Variants in LRP1B observed in about 807,000 individuals in gnomAD.
LRP1B encodes the protein low-density lipoprotein receptor-related protein 1B.
In LRP1B, 217 loss-of-function variants were observed where a neutral mutation model predicts 556.6. The observed-to-expected ratio is 0.39, with a 90% CI of 0.35 to 0.44. The LOEUF (loss-of-function observed/expected upper bound fraction) is 0.44, where lower values mean the gene tolerates loss of function less well. Ranked by LOEUF, LRP1B falls within the 20% of genes least tolerant of loss-of-function variation. The probability of loss-of-function intolerance (pLI) is 1.00; values close to 1 mark genes in which losing one functional copy is unlikely to be tolerated. For synonymous variants in LRP1B, 2,047 were observed against 1,865.8 expected (o/e 1.10, Z -2.50); for missense variants, 5,053 against 5,620.8 (o/e 0.90, Z 3.23).
At chr2:140,990,890 G>T (rs1320382926) in intron 16 of LRP1B, among the ~76,000 whole-genome samples, 2 of 152,044 alleles carry the variant, frequency 1.3e-5, no homozygotes, top group Admixed American at 6.6e-5. Context: ...GTTTTACTGA[G>T]AATTTGAAAA....
intron 20 of LRP1B, among the ~76,000 whole-genome samples, chr2:140,941,170 C>A (rs759184520): frequency 2.0e-5 from 3 of 152,024 alleles, no homozygotes; most frequent in Non-Finnish European, 4.4e-5. Context: ...AGAAACTATT[C>A]ATTTATACTT....
chr2:141,072,331 C>T (rs149147631), intron 7 of LRP1B, among the ~76,000 whole-genome samples: 1 of 152,024 alleles, frequency 6.6e-6, no homozygotes, highest in Non-Finnish European at 1.5e-5. Flanking sequence ...TATTTCGGTA[C>T]CCAGGTTTCT....
At chr2:140,798,882 A>G (rs575599299) in intron 32 of LRP1B, among the ~76,000 whole-genome samples, 2 of 152,168 alleles carry the variant, frequency 1.3e-5, no homozygotes, top group Non-Finnish European at 2.9e-5. Context: ...GACCGTGATC[A>G]ATCCAGTTTT....
chr2:140,368,634 A>T (rs1025444052), intron 71 of LRP1B, among the ~76,000 whole-genome samples: 1 of 151,916 alleles, frequency 6.6e-6, no homozygotes, highest in Admixed American at 6.6e-5. Flanking sequence ...AGTAAAACTG[A>T]TTAATTGGGA....
intron 3 of LRP1B, among the ~76,000 whole-genome samples, chr2:141,330,151 C>A (rs1385035143): frequency 6.6e-6 from 1 of 152,104 alleles, no homozygotes; most frequent in Admixed American, 6.6e-5. Context: ...ATGTTTGTTC[C>A]AGAATTGCAC....
intron 1 of LRP1B, among the ~76,000 whole-genome samples, chr2:141,859,424 G>T (rs1574436131): frequency 6.6e-6 from 1 of 152,142 alleles, no homozygotes. Context: ...CATTTAAACA[G>T]ATTTCAGGAA....
At chr2:141,858,244 T>C (rs1698127796) in intron 1 of LRP1B, among the ~76,000 whole-genome samples, 1 of 152,170 alleles carries the variant, frequency 6.6e-6, no homozygotes, top group Admixed American at 6.5e-5. Flanking sequence ...TCATGTAGAG[T>C]TGACCATTTT....
chr2:141,305,086 C>T (rs984668757), intron 3 of LRP1B, among the ~76,000 whole-genome samples: 1 of 152,030 alleles, frequency 6.6e-6, no homozygotes, highest in Non-Finnish European at 1.5e-5. Context: ...TTGTTCTATA[C>T]AAATTTTATA....
In LRP1B at chr2:140,457,617, T is replaced by C; in HGVS notation, c.9660A>G (p.Leu3220=). The change falls in exon 61 of 91, where the codon CTA becomes CTG. Residue 3220 remains leucine, a synonymous_variant. Transcript: ENST00000389484. ...AGTAGATGTAGTCTTCAAACAATGT[T>C]AGTGCAATCACCCCTGGAATATCTT... The part of the protein sequence containing the change: ...PNQDIPGVIA[L]TLFEDYIYWT... 1 of 1,613,716 alleles carries C rather than the reference T, an allele frequency of 6.2e-7. No homozygotes were observed. Among genetic ancestry groups the C allele is most frequent in the Non-Finnish European group, 8.5e-7 (1 of 1,179,672 alleles).
At chr2:140,748,799 C>CATATACATGTATATAATATATATCATAT (rs1491264397) in intron 35 of LRP1B, among the ~76,000 whole-genome samples, 1 of 18,444 alleles carries the variant, frequency 5.4e-5, no homozygotes, top group African/African-American at 1.6e-4. Flanking sequence ...ATATTATATA[C>CATATACATGTATATAATATATATCATAT]ATATTATATA....
At chr2:141,472,806 C>T (rs1454951446) in intron 3 of LRP1B, among the ~76,000 whole-genome samples, 1 of 144,434 alleles carries the variant, frequency 6.9e-6, no homozygotes, top group African/African-American at 2.5e-5. Context: ...GCAGTTTACA[C>T]CATTTGTAAA....
rs1199902050 is a variant in LRP1B, at chr2:140,427,112, A to C, written c.10414+15392T>G. On this transcript the variant is annotated intron_variant, in intron 66 of 90. Transcript: ENST00000389484. ...GGAGACACATTTTATCCGTGGACCC[A>C]AAACTCCGGCGCCGGTCACGGACTC... 1.2e-3 allele frequency among the ~76,000 whole-genome samples: 188 copies of C among 152,284 alleles called. 2 individuals carry two copies. The highest frequency in any genetic ancestry group is 2.1e-4 in the Non-Finnish European group (14 of 68,030).
At chr2:141,848,078 A>G (rs1162393589) in intron 1 of LRP1B, among the ~76,000 whole-genome samples, 2 of 151,606 alleles carry the variant, frequency 1.3e-5, no homozygotes, top group Non-Finnish European at 3.0e-5. Flanking sequence ...GAGATGATCT[A>G]CTTCACTAGT....
At chr2:141,322,245 G>A (rs1276031603) in intron 3 of LRP1B, among the ~76,000 whole-genome samples, 1 of 152,022 alleles carries the variant, frequency 6.6e-6, no homozygotes, top group Non-Finnish European at 1.5e-5. Flanking sequence ...AAGACAATGG[G>A]CTTAAGGAAT....
At position 141,024,896 on chromosome 2, in the gene LRP1B, G is replaced by T. The variant is rs148766693; in HGVS notation, c.1790-4794C>A. Among the ~76,000 whole-genome samples the T allele has an allele frequency of 5.7e-3, 864 of 152,090 alleles. 5 individuals are homozygous for T. Among genetic ancestry groups the T allele is most frequent in the African/African-American group, 0.02 (840 of 41,536 alleles). On this transcript the variant is annotated intron_variant, in intron 11 of 90. Transcript: ENST00000389484. ...AGAATTCTGAGTTTAGAAAATCCAAGCCTATTATAATGGGCAGTAAGAAGG... is the reference window on the plus strand; with the variant it reads ...AGAATTCTGAGTTTAGAAAATCCAATCCTATTATAATGGGCAGTAAGAAGG...
At chr2:141,043,012 T>G (rs1698748343) in intron 11 of LRP1B, among the ~76,000 whole-genome samples, 1 of 130,682 alleles carries the variant, frequency 7.7e-6, no homozygotes. Context: ...GGCAACATGG[T>G]GAAAGGCTGT....
intron 55 of LRP1B, among the ~76,000 whole-genome samples, chr2:140,499,361 G>T (rs891205073): frequency 1.3e-5 from 2 of 151,676 alleles, no homozygotes; most frequent in African/African-American, 4.8e-5. Flanking sequence ...TGTTATCATA[G>T]ACATTAAATA....
chr2:140,783,069 A>T (rs1333594742), intron 32 of LRP1B, among the ~76,000 whole-genome samples: 3 of 152,236 alleles, frequency 2.0e-5, no homozygotes, highest in African/African-American at 7.2e-5. Context: ...CTTGAGTAAT[A>T]TAAATTGAAT....
intron 60 of LRP1B, among the ~76,000 whole-genome samples, chr2:140,466,124 C>CTTTTTTTTTTTTTTTT (rs74381027): frequency 8.0e-6 from 1 of 125,716 alleles, no homozygotes; most frequent in African/African-American, 2.9e-5. Context: ...TTTCTTTTTT[C>CTTTTTTTTTTTTTTTT]TTTTTTTTTT....
Sources: allele counts gnomAD v4.1 joint callset (sites outside exome capture counted in the v4.1 genomes callset), GRCh38; gene constraint gnomAD v4.1.1; transcripts MANE v1.5; gene names NCBI Gene and HGNC (gene_info 2026-07-23, HGNC 2026-07-21).